Variants in TCP11L1 observed in about 807,000 individuals in gnomAD.
TCP11L1 encodes T-complex protein 11-like protein 1.
Under a neutral mutation model 48.9 loss-of-function variants are expected in TCP11L1, and 28 were observed. The ratio of observed to expected loss-of-function variants is 0.57; its 90% confidence interval spans 0.42 to 0.78. The LOEUF (loss-of-function observed/expected upper bound fraction) is 0.78. TCP11L1 is among the 30% of genes least tolerant of loss of function. The pLI is 0.00. For missense variants in TCP11L1, 505 were observed against 613.4 expected (o/e 0.82, Z 1.87); for synonymous variants, 204 against 231.9 (o/e 0.88, Z 1.09).
intron 2 of TCP11L1, among the ~76,000 whole-genome samples, chr11:33,048,872 C>G (rs1200301183): frequency 6.6e-6 from 1 of 152,188 alleles, no homozygotes; most frequent in African/African-American, 2.4e-5. Context: ...GAAATTCCTT[C>G]CTGATTTGCT....
chr11:33,051,202 C>G (rs1051452361), intron 2 of TCP11L1, among the ~76,000 whole-genome samples: 2 of 152,178 alleles, frequency 1.3e-5, no homozygotes, highest in African/African-American at 4.8e-5. Context: ...GAGTCTCGCT[C>G]TGTCGCCCAG....
chr11:33,070,488 C>G (rs1262823803), intron 9 of TCP11L1, among the ~76,000 whole-genome samples: 4 of 151,906 alleles, frequency 2.6e-5, no homozygotes, highest in African/African-American at 9.7e-5. Context: ...AAGTTCGAGA[C>G]CAGGCTGACC....
At chr11:33,054,119 A>G (rs2133712579) in intron 2 of TCP11L1, among the ~76,000 whole-genome samples, 1 of 152,222 alleles carries the variant, frequency 6.6e-6, no homozygotes, top group Non-Finnish European at 1.5e-5. Flanking sequence ...CCTAGCCTTG[A>G]TGCTATTTTA....
At chr11:33,063,582 C>G (rs1233746562) in intron 7 of TCP11L1, among the ~76,000 whole-genome samples, 1 of 151,984 alleles carries the variant, frequency 6.6e-6, no homozygotes, top group Admixed American at 6.6e-5. Flanking sequence ...ATATTTTTTT[C>G]TTTTTATGTT....
At chr11:33,051,394 C>G (rs950507458) in intron 2 of TCP11L1, among the ~76,000 whole-genome samples, 21 of 151,690 alleles carry the variant, frequency 1.4e-4, no homozygotes, top group Non-Finnish European at 2.4e-4. Flanking sequence ...GTCTTGTTCT[C>G]CCGACCTTGT....
At chr11:33,048,005 A>G (rs1477554204) in intron 2 of TCP11L1, among the ~76,000 whole-genome samples, 1 of 152,138 alleles carries the variant, frequency 6.6e-6, no homozygotes, top group Non-Finnish European at 1.5e-5. Flanking sequence ...TTAGAACTTC[A>G]TTTTATTTTG....
intron 1 of TCP11L1, chr11:33,040,855 TG>T (rs1222962275): frequency 6.6e-6 from 1 of 152,208 alleles, no homozygotes; most frequent in Non-Finnish European, 1.5e-5. Context: ...TCATCTTTTC[TG>T]GGAAGGTTTT....
chr11:33,055,096 CTA>C (rs1854273049), intron 3 of TCP11L1, among the ~76,000 whole-genome samples: 2 of 152,274 alleles, frequency 1.3e-5, no homozygotes, highest in South Asian at 2.1e-4. Flanking sequence ...ATCAAAAACT[CTA>C]TTGGTTGTAA....
In TCP11L1 at chr11:33,065,939, T is replaced by C. The variant is rs1854604385; in HGVS notation, c.1082T>C (p.Ile361Thr). 3 of 1,614,092 alleles carry C rather than the reference T, an allele frequency of 1.9e-6. No individual in the cohort carries two copies. The African/African-American group carries it at 4.0e-5, about 22-fold the overall frequency. Residue 361 changes from isoleucine to threonine, a missense_variant, in exon 8 of 10, where the codon ATT becomes ACT. Physicochemically the swap from Ile to Thr is moderately conservative, Grantham distance 89. This residue lies in a region of TCP11L1 where 335 missense variants were observed against 413.3 expected (regional missense o/e 0.81). Transcript: ENST00000334274. ...ACCTTCAGCATGGCAGCGCCAGGAATTTCCAGCCAGGCCGACTTTGCTGAG... is the reference window on the plus strand; with the variant it reads ...ACCTTCAGCATGGCAGCGCCAGGAACTTCCAGCCAGGCCGACTTTGCTGAG... ...LVTFSMAAPG[I>T]SSQADFAEKL... is the part of the protein sequence containing the mutation.
At chr11:33,047,835 C>G (rs2133698542) in intron 2 of TCP11L1, among the ~76,000 whole-genome samples, 1 of 152,272 alleles carries the variant, frequency 6.6e-6, no homozygotes, top group South Asian at 2.1e-4. Context: ...TAATCTGTAC[C>G]CTGGTTTTAC....
rs1854847696 is a variant in TCP11L1 at position 33,073,228 on chromosome 11, A to G, written c.*552A>G. 6.6e-6 allele frequency: 1 copy of G among 151,196 alleles called. No homozygotes were observed. Among genetic ancestry groups the G allele is most frequent in the South Asian group, 2.1e-4 (1 of 4,836 alleles). 9.4% of individuals were successfully genotyped at this position (151,196 alleles called of 1,614,324 possible). ...CCAGGGCTCCCAAGCCCTTTTTTCT[A>G]GAGGAGAGTTATTTGTCTCTCTCTC... On this transcript the variant is annotated 3_prime_UTR_variant, in exon 10 of 10. Coordinates refer to ENST00000334274, the MANE Select transcript of TCP11L1 (RefSeq NM_018393.4).
intron 9 of TCP11L1, among the ~76,000 whole-genome samples, chr11:33,070,728 T>C (rs989586571): frequency 7.0e-6 from 1 of 142,044 alleles, no homozygotes; most frequent in Non-Finnish European, 1.5e-5. Flanking sequence ...TAGGGCCAGG[T>C]GTGATGACTC....
intron 2 of TCP11L1, among the ~76,000 whole-genome samples, chr11:33,052,484 T>C (rs2133708777): frequency 6.6e-6 from 1 of 152,240 alleles, no homozygotes; most frequent in Admixed American, 6.5e-5. Context: ...TTTTTTTTCT[T>C]TTTTTTGGTG....
At chr11:33,072,012 C>A (rs3740802) in intron 9 of TCP11L1, among the ~76,000 whole-genome samples, 43,209 of 151,842 alleles carry the variant, frequency 0.28, 6,721 homozygotes, top group East Asian at 0.42. Context: ...CACCTGGCTA[C>A]TTTTTATATT....
chr11:33,057,078 G>A, intron 3 of TCP11L1, 37 bp from the exon 4 acceptor site: 3 of 1,611,928 alleles, frequency 1.9e-6, no homozygotes, highest in Non-Finnish European at 2.5e-6. Context: ...AAATATTTTG[G>A]TTTTTGCCCC....
intron 3 of TCP11L1, among the ~76,000 whole-genome samples, chr11:33,056,108 G>A (rs11032130): frequency 0.14 from 20,807 of 151,882 alleles, 1,601 homozygotes; most frequent in Middle Eastern, 0.22. Context: ...GAGCCACTGC[G>A]CCAGCCATTG....
In TCP11L1 at chr11:33,059,054, A is replaced by C; in HGVS notation, c.734A>C (p.Tyr245Ser). The change falls in exon 6 of 10, where the codon TAC becomes TCC. Residue 245 changes from tyrosine to serine, a missense_variant. Physicochemically the swap from Tyr to Ser is moderately radical, Grantham distance 144 (BLOSUM62 -2). Transcript: ENST00000334274. ...CATCTCATGCAGCAGTCAGTTGAAT[A>C]CGAAAGGAAGAAGTTTCAAGAGATT... ...RPHLMQQSVEYERKKFQEILE... is the reference protein window; with the variant it reads ...RPHLMQQSVESERKKFQEILE... The C allele has an allele frequency of 6.2e-7, 1 of 1,614,200 alleles. No homozygotes were observed. Among genetic ancestry groups the C allele is most frequent in the Non-Finnish European group, 8.5e-7 (1 of 1,180,024 alleles).
intron 8 of TCP11L1, among the ~76,000 whole-genome samples, chr11:33,066,389 T>G (rs1854620041): frequency 6.6e-6 from 1 of 152,096 alleles, no homozygotes; most frequent in South Asian, 2.1e-4. Flanking sequence ...TGCCCTTAAG[T>G]TTAAATTTTG....
intron 8 of TCP11L1, 95 bp downstream of exon 8, chr11:33,066,106 A>G (rs955277371): frequency 6.8e-7 from 1 of 1,475,366 alleles, no homozygotes; most frequent in East Asian, 2.3e-5. Context: ...GGCAGAGCCC[A>G]GGGCCACTCT....
Sources: allele counts gnomAD v4.1 joint callset (sites outside exome capture counted in the v4.1 genomes callset), GRCh38; gene constraint gnomAD v4.1.1; regional missense constraint gnomAD v4.1.1; transcripts MANE v1.5; gene names NCBI Gene and HGNC (gene_info 2026-07-23, HGNC 2026-07-21).